The following GPC6 variants were observed in gnomAD, a reference collection of about 807,000 sequenced individuals.
The protein encoded by GPC6 is glypican 6, also known as glypican-6.
In GPC6, 14 loss-of-function variants were observed where a neutral mutation model predicts 55.2. That is an observed-to-expected ratio of 0.25 (90% CI 0.17 to 0.40). GPC6 has a LOEUF of 0.40. Ranked by LOEUF, GPC6 falls within the 10% of genes least tolerant of loss-of-function variation. The probability of loss-of-function intolerance (pLI) is 1.00; values close to 1 mark genes in which losing one functional copy is unlikely to be tolerated. For synonymous variants in GPC6, 278 were observed against 259.6 expected (o/e 1.07, Z -0.68); for missense variants, 641 against 708.5 (o/e 0.90, Z 1.08).
intron 1 of GPC6, among the ~76,000 whole-genome samples, chr13:93,406,670 A>C (rs979671598): frequency 6.6e-6 from 1 of 152,154 alleles, no homozygotes; most frequent in Non-Finnish European, 1.5e-5. Context: ...ATTCAATGCT[A>C]AACTTGCATC....
chr13:94,294,437 TAAA>T (rs397944823), intron 5 of GPC6, among the ~76,000 whole-genome samples: 5 of 116,754 alleles, frequency 4.3e-5, no homozygotes, highest in African/African-American at 1.2e-4. Context: ...AAATGAAGAT[TAAA>T]AAAAAAAAAA....
chr13:93,974,143 T>C (rs1361598520), intron 3 of GPC6, among the ~76,000 whole-genome samples: 2 of 152,200 alleles, frequency 1.3e-5, no homozygotes, highest in Non-Finnish European at 2.9e-5. Flanking sequence ...TTTTGGCAGG[T>C]TCCCCTGCCC....
chr13:94,094,042 C>G (rs1885585013), intron 4 of GPC6, among the ~76,000 whole-genome samples: 1 of 131,092 alleles, frequency 7.6e-6, no homozygotes, highest in Non-Finnish European at 1.6e-5. Flanking sequence ...ATAAATTCAG[C>G]AACAGGACTC....
chr13:93,284,644 T>C (rs192348181), intron 1 of GPC6, among the ~76,000 whole-genome samples: 1 of 152,182 alleles, frequency 6.6e-6, no homozygotes, highest in Non-Finnish European at 1.5e-5. Flanking sequence ...AAGAATCATA[T>C]AGTAAATATG....
chr13:94,276,323 T>C (rs1231646596), intron 4 of GPC6, among the ~76,000 whole-genome samples: 1 of 152,060 alleles, frequency 6.6e-6, no homozygotes, highest in African/African-American at 2.4e-5. Context: ...CAGGATGGAT[T>C]GTGTGTTGGG....
chr13:93,660,239 T>C (rs1042110219), intron 2 of GPC6, among the ~76,000 whole-genome samples: 1 of 152,148 alleles, frequency 6.6e-6, no homozygotes, highest in African/African-American at 2.4e-5. Context: ...AAAATAGAGC[T>C]TTTGAATTAC....
At chr13:93,412,538 C>T (rs974967725) in intron 1 of GPC6, among the ~76,000 whole-genome samples, 2 of 151,972 alleles carry the variant, frequency 1.3e-5, no homozygotes, top group Non-Finnish European at 2.9e-5. Flanking sequence ...ATGCCTGTAG[C>T]CCCAGCTACT....
intron 3 of GPC6, among the ~76,000 whole-genome samples, chr13:93,903,663 A>G (rs984297028): frequency 6.6e-6 from 1 of 152,208 alleles, no homozygotes. Context: ...GAGATTATCA[A>G]TACAAACAAT....
At chr13:93,647,666 G>A (rs540797620) in intron 2 of GPC6, among the ~76,000 whole-genome samples, 9 of 152,230 alleles carry the variant, frequency 5.9e-5, no homozygotes, top group East Asian at 1.9e-4. Context: ...CTTTCAATCC[G>A]TGATTCTTCC....
chr13:93,962,314 A>G (rs1479497401), intron 3 of GPC6, among the ~76,000 whole-genome samples: 1 of 152,170 alleles, frequency 6.6e-6, no homozygotes, highest in African/African-American at 2.4e-5. Context: ...TCTTTTGTTG[A>G]AATTAATTAT....
intron 6 of GPC6, among the ~76,000 whole-genome samples, chr13:94,357,773 A>G (rs964234270): frequency 2.0e-5 from 3 of 152,190 alleles, no homozygotes; most frequent in Non-Finnish European, 4.4e-5. Flanking sequence ...TCTTGAAAAT[A>G]CATACTCTAC....
At chr13:93,321,583 G>C (rs1174173000) in intron 1 of GPC6, among the ~76,000 whole-genome samples, 1 of 152,138 alleles carries the variant, frequency 6.6e-6, no homozygotes, top group African/African-American at 2.4e-5. Flanking sequence ...AGAATCAGAG[G>C]TTCAGAGAAT....
intron 2 of GPC6, among the ~76,000 whole-genome samples, chr13:93,566,547 G>GT (rs386380255): frequency 1.0e-3 from 33 of 32,482 alleles, no homozygotes; most frequent in South Asian, 3.0e-3. Context: ...TTTTTTGCTT[G>GT]TTTTTTTTTA....
At chr13:94,265,498 T>C (rs1324546421) in intron 4 of GPC6, among the ~76,000 whole-genome samples, 1 of 152,122 alleles carries the variant, frequency 6.6e-6, no homozygotes, top group African/African-American at 2.4e-5. Context: ...TAAGGGTGGA[T>C]CGGCCTTTCC....
At chr13:93,535,653 T>C (rs536348214) in intron 1 of GPC6, among the ~76,000 whole-genome samples, 1 of 149,098 alleles carries the variant, frequency 6.7e-6, no homozygotes, top group South Asian at 2.1e-4. Flanking sequence ...ATGGACTGTG[T>C]ATCAGCCACC....
In GPC6 at chr13:93,227,433, C is replaced by A. The variant is rs181643063; in HGVS notation, c.-24C>A. ...AGAGCGCACCGGCCGTGGGGTTTACCGAGCTGGATTTGTATGTTGCACCAT... is the reference window on the plus strand; with the variant it reads ...AGAGCGCACCGGCCGTGGGGTTTACAGAGCTGGATTTGTATGTTGCACCAT... On this transcript the variant is annotated 5_prime_UTR_variant, in exon 1 of 9. Transcript: ENST00000377047. This position sits in a 1 kb window ranked among gnomAD's most constrained non-coding sequence, Gnocchi z 4.3. The A allele has an allele frequency of 1.9e-6, 3 of 1,612,498 alleles. No homozygotes were observed. Among genetic ancestry groups the A allele is most frequent in the Non-Finnish European group, 2.5e-6 (3 of 1,178,804 alleles).
At chr13:93,363,603 A>G (rs1370201384) in intron 1 of GPC6, among the ~76,000 whole-genome samples, 1 of 152,060 alleles carries the variant, frequency 6.6e-6, no homozygotes, top group Non-Finnish European at 1.5e-5. Flanking sequence ...ATACGTGTGC[A>G]TGTGTCTTTA....
chr13:93,634,036 G>C lies in GPC6; in HGVS notation c.319+88615G>C, dbSNP rs1480020719. Among the ~76,000 whole-genome samples, 6 of 152,242 alleles carry C rather than the reference G, an allele frequency of 3.9e-5. No individual in the cohort carries two copies. In the East Asian group the frequency reaches 1.2e-3, roughly 29 times the overall value. On this transcript the variant is annotated intron_variant, in intron 2 of 8. Coordinates refer to ENST00000377047, the MANE Select transcript of GPC6 (RefSeq NM_005708.5). ...CATGATAACTTTAACATACTACTGG[G>C]TATACTTTTGAATGTACTGATGCAG...
chr13:93,471,844 T>A (rs187555463), intron 1 of GPC6, among the ~76,000 whole-genome samples: 1 of 152,334 alleles, frequency 6.6e-6, no homozygotes, highest in East Asian at 1.9e-4. Context: ...AGAATGTATA[T>A]TCTGCTGTTG....
Sources: allele counts gnomAD v4.1 joint callset (sites outside exome capture counted in the v4.1 genomes callset), GRCh38; gene constraint gnomAD v4.1.1; non-coding constraint Gnocchi (gnomAD v3.1); transcripts MANE v1.5; gene names NCBI Gene and HGNC (gene_info 2026-07-23, HGNC 2026-07-21).